CCSER1: variants seen among roughly 807,000 people sequenced by gnomAD.
CCSER1 encodes coiled-coil serine rich protein 1.
Under a neutral mutation model 82.0 loss-of-function variants are expected in CCSER1, and 41 were observed. The observed-to-expected ratio is 0.50, with a 90% CI of 0.39 to 0.65. The LOEUF is 0.65. Ranked by LOEUF, CCSER1 falls within the 30% of genes least tolerant of loss-of-function variation. CCSER1 has a pLI of 0.00. For missense variants in CCSER1, 1,119 were observed against 1,064.2 expected, an observed-to-expected ratio of 1.05 and a Z score of -0.72; for synonymous variants, 414 against 383.9, an observed-to-expected ratio of 1.08 and a Z score of -0.92.
Position 91,603,056 on chromosome 4 carries a change from A to G in CCSER1, c.*3999A>G, listed in dbSNP as rs2110369578. Among the ~76,000 whole-genome samples the G allele has an allele frequency of 6.6e-6, 1 of 152,098 alleles. No homozygotes were observed. The highest frequency in any genetic ancestry group is 1.9e-4 in the East Asian group (1 of 5,172). ...GTCTTGTTTCTTTCTCATGTGGTAA[A>G]TTTATCATGACAACTCTAGGCTGTA... is the stretch of plus-strand genomic sequence containing the variant. On this transcript the variant is annotated 3_prime_UTR_variant, in exon 11 of 11. Coordinates refer to ENST00000509176, the MANE Select transcript of CCSER1 (RefSeq NM_001145065.2).
chr4:90,842,924 CAT>C (rs1237755454), intron 8 of CCSER1, among the ~76,000 whole-genome samples: 1 of 152,140 alleles, frequency 6.6e-6, no homozygotes, highest in East Asian at 1.9e-4. Context: ...ACTCAAAAAA[CAT>C]GTGTGAGGAG....
Position 90,966,550 on chromosome 4 carries a change from C to T in CCSER1, c.2172+43103C>T, listed in dbSNP as rs189856777. 4.4e-3 allele frequency among the ~76,000 whole-genome samples: 675 copies of T among 152,088 alleles called. 12 individuals are homozygous for T. The highest frequency in any genetic ancestry group is 0.015 in the African/African-American group (638 of 41,436). On this transcript the variant is annotated intron_variant, in intron 9 of 10. Coordinates refer to ENST00000509176, the MANE Select transcript of CCSER1 (RefSeq NM_001145065.2). ...GATGTTCCCAGATAAACAAAAACTG[C>T]GCGAATTCATTGCTAGGAAACCTGC...
At chr4:91,094,159 G>T (rs116197137) in intron 10 of CCSER1, among the ~76,000 whole-genome samples, 2 of 152,088 alleles carry the variant, frequency 1.3e-5, no homozygotes, top group Admixed American at 6.6e-5. Context: ...GATTGTCCAC[G>T]TACTGGAGCA....
Position 90,308,801 on chromosome 4 carries a change from G to C in CCSER1, c.517G>C (p.Val173Leu). ...CACAGAAGACCAAACTCGTCGTTCT[G>C]TTAAGCAGTCAACAAGGAAGCTACT... ...GFTEDQTRRSVKQSTRKLLPK... is the reference protein window; with the variant it reads ...GFTEDQTRRSLKQSTRKLLPK... Residue 173 changes from valine (V) to leucine (L), a missense_variant, in exon 2 of 11, where the codon GTT becomes CTT. Val to Leu is a conservative substitution (Grantham distance 32). Coordinates refer to ENST00000509176, the MANE Select transcript of CCSER1 (RefSeq NM_001145065.2). 1 of 1,613,800 alleles carries C rather than the reference G, an allele frequency of 6.2e-7. No homozygotes were observed. The highest frequency in any genetic ancestry group is 8.5e-7 in the Non-Finnish European group (1 of 1,179,844).
chr4:90,346,211 A>G (rs1742301842), intron 3 of CCSER1, among the ~76,000 whole-genome samples: 1 of 152,106 alleles, frequency 6.6e-6, no homozygotes, highest in Admixed American at 6.6e-5. Context: ...TAGAAATGTC[A>G]TAGCTTAACC....
chr4:90,675,049 T>C (rs542843698), intron 6 of CCSER1, among the ~76,000 whole-genome samples: 28 of 152,190 alleles, frequency 1.8e-4, no homozygotes, highest in Middle Eastern at 6.8e-3. Context: ...AATCACAGCA[T>C]GGCCATTTAC....
intron 10 of CCSER1, among the ~76,000 whole-genome samples, chr4:91,587,863 T>G (rs1251166615): frequency 6.6e-6 from 1 of 151,700 alleles, no homozygotes; most frequent in Non-Finnish European, 1.5e-5. Context: ...GTCTCTCTAG[T>G]CAGTTTCCTT....
At chr4:90,322,714 G>A (rs7656001) in intron 3 of CCSER1, among the ~76,000 whole-genome samples, 99,981 of 152,030 alleles carry the variant, frequency 0.66, 34,380 homozygotes, top group African/African-American at 0.86. Flanking sequence ...TATTATTGCT[G>A]TTGTAAATGG....
At chr4:90,868,817 C>A (rs1414882142) in intron 8 of CCSER1, among the ~76,000 whole-genome samples, 1 of 152,086 alleles carries the variant, frequency 6.6e-6, no homozygotes, top group African/African-American at 2.4e-5. Flanking sequence ...TTTACATTCT[C>A]ACCAATAGTG....
chr4:90,803,048 G>C (rs2149707750), intron 7 of CCSER1, among the ~76,000 whole-genome samples: 1 of 152,150 alleles, frequency 6.6e-6, no homozygotes. Context: ...CCAGAGAGAA[G>C]ACCAGCAGTC....
intron 10 of CCSER1, among the ~76,000 whole-genome samples, chr4:91,456,323 G>T (rs1251156815): frequency 6.6e-6 from 1 of 151,984 alleles, no homozygotes; most frequent in Non-Finnish European, 1.5e-5. Context: ...TCACAGAGGG[G>T]CTAGGGTTTC....
At chr4:91,156,641 G>A (rs1044425714) in intron 10 of CCSER1, among the ~76,000 whole-genome samples, 3 of 151,700 alleles carry the variant, frequency 2.0e-5, no homozygotes, top group Admixed American at 2.0e-4. Context: ...GGGTCCAACT[G>A]AGATGACTAA....
intron 3 of CCSER1, chr4:90,325,694 C>A (rs1314205306): frequency 6.9e-6 from 3 of 434,748 alleles, no homozygotes; most frequent in South Asian, 4.9e-5. Flanking sequence ...AGGTGACAGT[C>A]ACTGGAATCT....
chr4:91,393,901 T>C (rs1751812882), intron 10 of CCSER1, among the ~76,000 whole-genome samples: 1 of 152,176 alleles, frequency 6.6e-6, no homozygotes, highest in Admixed American at 6.6e-5. Context: ...TTTTATAGAC[T>C]GGCTAGAAAC....
intron 9 of CCSER1, among the ~76,000 whole-genome samples, chr4:91,018,568 C>T (rs1272889452): frequency 6.6e-6 from 1 of 152,062 alleles, no homozygotes; most frequent in African/African-American, 2.4e-5. Flanking sequence ...CTTAGGGTAA[C>T]ATAACTTTTC....
chr4:90,445,850 A>T (rs78359348), intron 4 of CCSER1, among the ~76,000 whole-genome samples: 1 of 152,244 alleles, frequency 6.6e-6, no homozygotes, highest in African/African-American at 2.4e-5. Context: ...TGACTTGATT[A>T]TGTATTTCTA....
intron 9 of CCSER1, among the ~76,000 whole-genome samples, chr4:91,004,056 C>T (rs965038527): frequency 6.6e-6 from 1 of 152,214 alleles, no homozygotes; most frequent in Non-Finnish European, 1.5e-5. Context: ...ACAGTTTGGG[C>T]ACCCACATTA....
At chr4:90,563,929 A>G (rs1014735813) in intron 5 of CCSER1, among the ~76,000 whole-genome samples, 3 of 152,122 alleles carry the variant, frequency 2.0e-5, no homozygotes, top group African/African-American at 7.2e-5. Context: ...CCTTTTCTCT[A>G]CATCTTTACC....
chr4:91,196,252 C>G (rs1456569957), intron 10 of CCSER1, among the ~76,000 whole-genome samples: 1 of 151,780 alleles, frequency 6.6e-6, no homozygotes, highest in Non-Finnish European at 1.5e-5. Flanking sequence ...CTCTTCTAGC[C>G]CAAGAAGGTC....
Sources: allele counts gnomAD v4.1 joint callset (sites outside exome capture counted in the v4.1 genomes callset), GRCh38; gene constraint gnomAD v4.1.1; transcripts MANE v1.5; gene names NCBI Gene and HGNC (gene_info 2026-07-23, HGNC 2026-07-21).